The following GNAS variants were observed in gnomAD, a reference collection of about 807,000 sequenced individuals.
The protein encoded by GNAS is protein ALEX.
In GNAS, 8 loss-of-function variants were observed where a neutral mutation model predicts 54.5. The ratio of observed to expected loss-of-function variants is 0.15; its 90% confidence interval spans 0.09 to 0.26. The LOEUF (loss-of-function observed/expected upper bound fraction) is 0.26. Ranked by LOEUF, GNAS falls within the 10% of genes least tolerant of loss-of-function variation. The pLI is 1.00. For missense variants in GNAS, 170 were observed against 529.8 expected, an observed-to-expected ratio of 0.32 and a Z score of 6.67; for synonymous variants, 204 against 191.4, an observed-to-expected ratio of 1.07 and a Z score of -0.54.
intron 1 of GNAS, among the ~76,000 whole-genome samples, chr20:58,892,978 G>A (rs1393915503): frequency 2.7e-4 from 39 of 143,208 alleles, no homozygotes; most frequent in Non-Finnish European, 3.9e-4. Flanking sequence ...TTTGTGAAAA[G>A]AAAAAACAAA....
chr20:58,878,589 C>T (rs2087994614), intron 1 of GNAS, among the ~76,000 whole-genome samples: 1 of 152,192 alleles, frequency 6.6e-6, no homozygotes, highest in Non-Finnish European at 1.5e-5. Context: ...TTCCCTAGAA[C>T]AACTGCAATC....
At chr20:58,901,837 C>A (rs1310832538) in intron 3 of GNAS, among the ~76,000 whole-genome samples, 1 of 95,574 alleles carries the variant, frequency 1.0e-5, no homozygotes, top group Non-Finnish European at 2.0e-5. Flanking sequence ...CACCGTCCGT[C>A]CCCGCCCCCC....
chr20:58,853,261 G>C lies in GNAS; in HGVS notation c.43+12375G>C. ...AAACTTATTTTGAGAGGCCGCCACC[G>C]TGTTATGGGCGTGCGCAACTGCCTC... On this transcript the variant is annotated intron_variant, in intron 1 of 12. Transcript: ENST00000306090. The surrounding 1 kb of genome is among the most constrained non-coding windows in gnomAD (Gnocchi z 4.4). The C allele has an allele frequency of 1.3e-6, 2 of 1,540,990 alleles. No individual in the cohort carries two copies. Among genetic ancestry groups the C allele is most frequent in the Non-Finnish European group, 1.8e-6 (2 of 1,139,838 alleles).
rs1438212341 is a variant in GNAS at position 58,894,932 on chromosome 20, TAGTTGTACCCAG to T, written c.140-677_140-666del. Among the ~76,000 whole-genome samples, 33 of 152,324 alleles carry T rather than the reference TAGTTGTACCCAG, an allele frequency of 2.2e-4. No individual in the cohort carries two copies. In the Middle Eastern group the frequency reaches 0.014, roughly 63 times the overall value. Reference sequence around the variant, plus strand: ...TGGTCTCCCCTTTTCCTCAGCAACATAGTTGTACCCAGAGGGAATTTATCTTTAGAAAGATAT... The same window carrying T: ...TGGTCTCCCCTTTTCCTCAGCAACATAGGGAATTTATCTTTAGAAAGATAT... On this transcript the variant is annotated intron_variant, in intron 1 of 12. Coordinates refer to ENST00000371085, the MANE Select transcript of GNAS (RefSeq NM_000516.7).
Position 58,851,898 on chromosome 20 carries a change from G to A in GNAS, c.43+11012G>A, listed in dbSNP as rs545242668. ...CTGCGGCCGGTGCCCGAAGCAGCGA[G>A]CAGCGCACCTCAGCTCCGGTTGCCG... On this transcript the variant is annotated intron_variant, in intron 1 of 12. Coordinates refer to the GNAS transcript ENST00000306090. Among the ~76,000 whole-genome samples, 384 of 152,338 alleles carry A rather than the reference G, an allele frequency of 2.5e-3. 2 individuals are homozygous for A. The highest frequency in any genetic ancestry group is 8.8e-3 in the African/African-American group (366 of 41,576).
chr20:58,853,951 A>C lies in GNAS; in HGVS notation c.43+13065A>C. On this transcript the variant is annotated intron_variant, in intron 1 of 12. Coordinates refer to the GNAS transcript ENST00000306090. The surrounding 1 kb of genome is among the most constrained non-coding windows in gnomAD (Gnocchi z 4.4). Reference sequence around the variant, plus strand: ...GAGGAGACTATGCCATTTGAGCTTGATGGAGAAGGATTTGGGGACGACAGC... The same window carrying C: ...GAGGAGACTATGCCATTTGAGCTTGCTGGAGAAGGATTTGGGGACGACAGC... 1 of 1,612,178 alleles carries C rather than the reference A, an allele frequency of 6.2e-7. No individual in the cohort carries two copies. The highest frequency in any genetic ancestry group is 8.5e-7 in the Non-Finnish European group (1 of 1,179,656).
intron 1 of GNAS, chr20:58,850,580 C>T (rs2086118215): frequency 2.5e-6 from 1 of 398,836 alleles, no homozygotes; most frequent in African/African-American, 2.1e-5. Flanking sequence ...CCTTATCCAT[C>T]CTGGGCTGCT....
chr20:58,896,629 A>AAAG (rs2090080054), intron 2 of GNAS, among the ~76,000 whole-genome samples: 1 of 152,020 alleles, frequency 6.6e-6, no homozygotes, highest in African/African-American at 2.4e-5. Context: ...TGTAAAAAAA[A>AAAG]AAAAAGAAAA....
At chr20:58,870,672 T>C (rs1275669780) in intron 1 of GNAS, among the ~76,000 whole-genome samples, 2 of 152,176 alleles carry the variant, frequency 1.3e-5, no homozygotes, top group Non-Finnish European at 2.9e-5. Flanking sequence ...GGAGGGGTGG[T>C]TGGGGGTTTG....
At chr20:58,840,683 G>A (rs765883995), upstream of GNAS, 4 of 1,604,546 alleles carry the variant, frequency 2.5e-6, no homozygotes, top group East Asian at 6.7e-5. The surrounding 1 kb of genome is among the most constrained non-coding windows in gnomAD (Gnocchi z 6.0). Context: ...GGAAGGGGAG[G>A]AGCTCAAGCC....
chr20:58,906,123 A>G (rs1364809444), intron 6 of GNAS, among the ~76,000 whole-genome samples: 2 of 152,208 alleles, frequency 1.3e-5, no homozygotes, highest in African/African-American at 4.8e-5. Flanking sequence ...TGTACACCTA[A>G]GCAGTACAAT....
intron 6 of GNAS, among the ~76,000 whole-genome samples, chr20:58,906,574 C>T (rs1212237934): frequency 6.6e-6 from 1 of 152,206 alleles, no homozygotes; most frequent in African/African-American, 2.4e-5. Flanking sequence ...CTCTGTCACC[C>T]AGGCTGGAGT....
rs3207520 is a variant in GNAS, at chr20:58,891,523, T to A, written c.-204T>A. 2.1e-6 allele frequency: 2 copies of A among 974,166 alleles called. No individual in the cohort carries two copies. The highest frequency in any genetic ancestry group is 1.3e-4 in the Admixed American group (2 of 15,610). The allele number at this position is 974,166 out of a possible 1,614,324, so 60.3% of individuals were successfully genotyped here. A position where few individuals can be genotyped will look rare whatever the true frequency, so the allele number is the denominator to read the frequency against. On this transcript the variant is annotated 5_prime_UTR_variant, in exon 1 of 13. Coordinates refer to ENST00000371085, the MANE Select transcript of GNAS (RefSeq NM_000516.7). ...GCGGGGAGCTGCGCGCGCCCCTCGG[T>A]CCGACCGACACCCTCCCCTTCCCGC...
chr20:58,880,480 T>C (rs751633385), intron 1 of GNAS, among the ~76,000 whole-genome samples: 5 of 152,204 alleles, frequency 3.3e-5, no homozygotes, highest in Non-Finnish European at 7.3e-5. Context: ...TTAGATTTAT[T>C]AGTGGCCCCA....
At chr20:58,848,810 C>T (rs1212792419) in intron 1 of GNAS, 3 of 398,214 alleles carry the variant, frequency 7.5e-6, no homozygotes, top group East Asian at 3.6e-5. Context: ...GTCAACTCCT[C>T]GAACATTTGG....
chr20:58,883,207 C>T (rs1328801410), intron 1 of GNAS, among the ~76,000 whole-genome samples: 2 of 152,096 alleles, frequency 1.3e-5, no homozygotes, highest in Non-Finnish European at 2.9e-5. Flanking sequence ...ATTGGAAGGC[C>T]GAGTCTGTCT....
intron 1 of GNAS, among the ~76,000 whole-genome samples, chr20:58,893,182 A>G (rs1374563932): frequency 6.9e-6 from 1 of 144,250 alleles, no homozygotes; most frequent in Non-Finnish European, 1.5e-5. Context: ...TTAGTTGTTT[A>G]TCAAGTGACA....
intron 1 of GNAS, among the ~76,000 whole-genome samples, chr20:58,866,309 C>T (rs2087062080): frequency 6.6e-6 from 1 of 152,190 alleles, no homozygotes; most frequent in Admixed American, 6.5e-5. Flanking sequence ...GAAGGAACGG[C>T]TCTGAATGAC....
At chr20:58,899,832 G>A (rs1473974212) in intron 3 of GNAS, 4 of 684,380 alleles carry the variant, frequency 5.8e-6, no homozygotes, top group Non-Finnish European at 1.1e-5. Flanking sequence ...CAGAACCATT[G>A]ACTTAGTTTA....
Sources: gnomAD v4.1 joint callset for allele counts (sites outside exome capture counted in the v4.1 genomes callset) on GRCh38, gnomAD v4.1.1 for gene constraint, Gnocchi (gnomAD v3.1) non-coding constraint, MANE v1.5 for transcripts, NCBI Gene and HGNC (gene_info 2026-07-23, HGNC 2026-07-21) for gene names.